The following ZNF333 variants were observed in gnomAD, a reference collection of about 807,000 sequenced individuals.
ZNF333 encodes the protein zinc finger protein 333.
A neutral mutation model predicts 76.1 loss-of-function variants in ZNF333; 61 were observed. The observed-to-expected ratio is 0.80, with a 90% CI of 0.65 to 0.99. ZNF333 has a LOEUF of 0.99. ZNF333 is among the 50% of genes least tolerant of loss of function. The probability of loss-of-function intolerance (pLI) is 0.00; values close to 1 mark genes in which losing one functional copy is unlikely to be tolerated. For missense variants in ZNF333, 717 were observed against 822.4 expected, an observed-to-expected ratio of 0.87 and a Z score of 1.57; for synonymous variants, 284 against 305.0, an observed-to-expected ratio of 0.93 and a Z score of 0.72.
chr19:14,697,357 C>CTTTTTTTT (rs139125023), intron 4 of ZNF333, among the ~76,000 whole-genome samples: 37 of 90,804 alleles, frequency 4.1e-4, no homozygotes, highest in Admixed American at 4.7e-4. Flanking sequence ...TTTTTCTTTT[C>CTTTTTTTT]TTTTTTTTTT....
At chr19:14,727,318 A>G (rs912021279) in intron 11 of ZNF333, among the ~76,000 whole-genome samples, 41 of 152,022 alleles carry the variant, frequency 2.7e-4, no homozygotes, top group East Asian at 1.9e-3. Context: ...GTGAGCCACC[A>G]AGCCCGGCCC....
Position 14,708,156 on chromosome 19 carries a change from C to T in ZNF333, c.511+1383C>T, listed in dbSNP as rs952632877. 1.1e-4 allele frequency: 41 copies of T among 390,314 alleles called. No individual in the cohort carries two copies. In the Admixed American group the frequency reaches 1.3e-3, roughly 13 times the overall value. 24.2% of individuals were successfully genotyped at this position (390,314 alleles called of 1,614,324 possible). A position where few individuals can be genotyped will look rare whatever the true frequency, so the allele number is the denominator to read the frequency against. On this transcript the variant is annotated intron_variant, in intron 7 of 11. Coordinates refer to ENST00000292530, the MANE Select transcript of ZNF333 (RefSeq NM_032433.4). The stretch of plus-strand genomic sequence containing the variant: ...CCGAGTAGCTGGGATTACAGGGGTG[C>T]GCTACCATGCCCGGCTAATTTTTGT...
chr19:14,717,644 T>TA lies in ZNF333; in HGVS notation c.824-11dup. The TA allele has an allele frequency of 6.2e-7, 1 of 1,612,448 alleles. No homozygotes were observed. The highest frequency in any genetic ancestry group is 8.5e-7 in the Non-Finnish European group (1 of 1,178,552). ...TCTGTGTGCTTAACTTTTTCTTCCC[T>TA]AATTCATTTCAGAACCTCAGTGTCA... On this transcript the variant is annotated splice_polypyrimidine_tract_variant and intron_variant, in intron 10 of 11. Coordinates refer to ENST00000292530, the MANE Select transcript of ZNF333 (RefSeq NM_032433.4).
intron 7 of ZNF333, chr19:14,707,805 C>T (rs1220934445): frequency 8.8e-6 from 3 of 339,628 alleles, no homozygotes; most frequent in African/African-American, 2.1e-5. Context: ...CCCGCCTCGG[C>T]CTCCCAAAGT....
chr19:14,705,978 C>A (rs2042098312), intron 6 of ZNF333: 3 of 402,488 alleles, frequency 7.5e-6, no homozygotes, highest in Non-Finnish European at 1.5e-5. Flanking sequence ...GGCCTCTTCC[C>A]ACTCGTCCCT....
At chr19:14,700,827 A>T (rs1243012403) in intron 5 of ZNF333, among the ~76,000 whole-genome samples, 1 of 152,130 alleles carries the variant, frequency 6.6e-6, no homozygotes, top group African/African-American at 2.4e-5. Flanking sequence ...TGTGTCATGG[A>T]TGGGTGTCAG....
At chr19:14,715,503 T>C in intron 8 of ZNF333, 33 bp downstream of exon 8, 1 of 1,590,094 alleles carries the variant, frequency 6.3e-7, no homozygotes, top group Non-Finnish European at 8.6e-7. Context: ...AAAAGAACAC[T>C]GCTGTGCCCA....
At chr19:14,733,372 G>T (rs367641418) in exon 12 of ZNF333, 1 of 152,110 alleles carries the variant, frequency 6.6e-6, no homozygotes, top group African/African-American at 2.4e-5. Context: ...AAAACAGCTC[G>T]GGCACAGAGG....
intron 6 of ZNF333, among the ~76,000 whole-genome samples, chr19:14,705,464 C>T (rs1421855679): frequency 1.3e-5 from 2 of 152,174 alleles, no homozygotes; most frequent in Non-Finnish European, 2.9e-5. Flanking sequence ...AGCCCCACTG[C>T]TTCCATAACC....
At chr19:14,693,912 T>G (rs1972957207) in intron 2 of ZNF333, among the ~76,000 whole-genome samples, 1 of 147,836 alleles carries the variant, frequency 6.8e-6, no homozygotes, top group East Asian at 2.0e-4. Flanking sequence ...CCCAGGAGAT[T>G]GAGGCTGCAT....
In ZNF333 at chr19:14,720,425, C is replaced by T. The variant is rs1158599686; in HGVS notation, c.*1100C>T. 1.6e-5 allele frequency: 16 copies of T among 985,242 alleles called. No individual in the cohort carries two copies. Among genetic ancestry groups the T allele is most frequent in the Middle Eastern group, 5.2e-4 (1 of 1,936 alleles). 61.0% of individuals were successfully genotyped at this position (985,242 alleles called of 1,614,324 possible). ...CTCCTGTGACCATAAGGGTAAAAGC[C>T]GCAAGCTAAGAAGAGGGTGGCCGGA... On this transcript the variant is annotated 3_prime_UTR_variant, in exon 12 of 12. Transcript: ENST00000292530.
At chr19:14,706,135 G>T (rs908780654) in intron 6 of ZNF333, 3 of 457,440 alleles carry the variant, frequency 6.6e-6, no homozygotes, top group Non-Finnish European at 1.3e-5. Flanking sequence ...CAGAGCCACC[G>T]TTAGTTCTCC....
intron 5 of ZNF333, among the ~76,000 whole-genome samples, chr19:14,704,283 T>C (rs2042047445): frequency 6.6e-6 from 1 of 152,102 alleles, no homozygotes. Context: ...GTCAGACCTG[T>C]GTACCCTGAC....
intron 7 of ZNF333, among the ~76,000 whole-genome samples, chr19:14,714,274 T>G (rs985370507): frequency 1.3e-4 from 20 of 151,996 alleles, no homozygotes; most frequent in Non-Finnish European, 7.4e-5. Context: ...GTAACCAAGT[T>G]AGGAGGTCAC....
chr19:14,693,437 C>G lies in ZNF333; in HGVS notation c.-41-14C>G, dbSNP rs1408402112. The G allele has an allele frequency of 1.9e-6, 3 of 1,577,242 alleles. 1 individual carries two copies. Among genetic ancestry groups the G allele is most frequent in the Admixed American group, 1.7e-5 (1 of 57,848 alleles). On this transcript the variant is annotated splice_polypyrimidine_tract_variant and intron_variant, in intron 1 of 11. Transcript: ENST00000292530. ...CTCACCCCTTCTTTTACCTCAGTGT[C>G]TCCTTTATTGCAGGGAGAACACCGA...
chr19:14,706,162 T>C (rs1329853664), intron 6 of ZNF333: 1 of 457,522 alleles, frequency 2.2e-6, no homozygotes, highest in Non-Finnish European at 4.4e-6. Context: ...CCAGTTCTGC[T>C]CCTGACAGGC....
In ZNF333 at chr19:14,719,631, A is replaced by G. The variant is rs758372908; in HGVS notation, c.*306A>G. 3.4e-5 allele frequency: 38 copies of G among 1,119,504 alleles called. No homozygotes were observed. Among genetic ancestry groups the G allele is most frequent in the Middle Eastern group, 4.0e-4 (1 of 2,530 alleles). The allele number at this position is 1,119,504 out of a possible 1,614,324, so 69.3% of individuals were successfully genotyped here. On this transcript the variant is annotated 3_prime_UTR_variant, in exon 12 of 12. Transcript: ENST00000292530. ...ATGTAACCACCACCCCATTCCAGAT[A>G]TAGAATGTTTCTATCTCTCTGGAAG... is the stretch of plus-strand genomic sequence containing the variant.
intron 5 of ZNF333, among the ~76,000 whole-genome samples, chr19:14,703,222 A>AC (rs1555772610): frequency 2.0e-4 from 30 of 150,444 alleles, no homozygotes; most frequent in Admixed American, 1.3e-3. Flanking sequence ...AAAAAAAAAA[A>AC]CCATCAGATC....
chr19:14,702,830 G>A (rs1009916194), intron 5 of ZNF333, among the ~76,000 whole-genome samples: 8 of 152,246 alleles, frequency 5.3e-5, no homozygotes, highest in African/African-American at 1.2e-4. Flanking sequence ...ACAACATGGC[G>A]GCAGGGGACG....
Sources: gnomAD v4.1 joint callset for allele counts (sites outside exome capture counted in the v4.1 genomes callset) on GRCh38, gnomAD v4.1.1 for gene constraint, MANE v1.5 for transcripts, NCBI Gene and HGNC (gene_info 2026-07-23, HGNC 2026-07-21) for gene names.